The following PPP1R12A variants were observed in gnomAD, a reference collection of about 807,000 sequenced individuals.
PPP1R12A encodes protein phosphatase 1 regulatory subunit 12A.
In PPP1R12A, 19 loss-of-function variants were observed where a neutral mutation model predicts 139.6. The observed-to-expected ratio is 0.14, with a 90% CI of 0.09 to 0.20. The LOEUF (loss-of-function observed/expected upper bound fraction) is 0.20, where lower values mean the gene tolerates loss of function less well. PPP1R12A is among the 10% of genes least tolerant of loss of function. PPP1R12A has a pLI of 1.00. For missense variants in PPP1R12A, 925 were observed against 1,211.5 expected (o/e 0.76, Z 3.51); for synonymous variants, 427 against 420.6 (o/e 1.02, Z -0.19).
intron 1 of PPP1R12A, among the ~76,000 whole-genome samples, chr12:79,900,908 G>A (rs1310920922): frequency 3.9e-5 from 6 of 152,126 alleles, no homozygotes; most frequent in African/African-American, 4.8e-5. Flanking sequence ...TTCAAGGCCC[G>A]AAGATGAAGT....
intron 2 of PPP1R12A, among the ~76,000 whole-genome samples, chr12:79,859,285 C>T (rs1398104694): frequency 2.0e-5 from 3 of 146,712 alleles, no homozygotes; most frequent in Non-Finnish European, 3.0e-5. Context: ...TGCAGTGAGC[C>T]GAGATCGTGC....
intron 2 of PPP1R12A, among the ~76,000 whole-genome samples, chr12:79,856,690 A>G (rs1265093434): frequency 6.6e-6 from 1 of 152,226 alleles, no homozygotes; most frequent in Non-Finnish European, 1.5e-5. Flanking sequence ...CCATCTAATT[A>G]AAAAACAACC....
At chr12:79,803,631 G>A (rs913284571) in intron 14 of PPP1R12A, among the ~76,000 whole-genome samples, 3 of 151,976 alleles carry the variant, frequency 2.0e-5, no homozygotes, top group African/African-American at 7.3e-5. Flanking sequence ...AAAGAGAAGA[G>A]GCCAACAATG....
At chr12:79,842,930 T>G (rs1878915104) in intron 3 of PPP1R12A, among the ~76,000 whole-genome samples, 1 of 152,186 alleles carries the variant, frequency 6.6e-6, no homozygotes, top group Non-Finnish European at 1.5e-5. Flanking sequence ...AGAAAAACTC[T>G]GCCATTAAAA....
intron 7 of PPP1R12A, 23 bp from the exon 8 acceptor site, chr12:79,820,954 A>G: frequency 6.2e-7 from 1 of 1,610,598 alleles, no homozygotes; most frequent in South Asian, 1.1e-5. Context: ...AACAGTGTTC[A>G]AATGATTAGA....
At chr12:79,933,208 G>A (rs1888380731) in intron 1 of PPP1R12A, among the ~76,000 whole-genome samples, 1 of 151,984 alleles carries the variant, frequency 6.6e-6, no homozygotes, top group African/African-American at 2.4e-5. Flanking sequence ...ATTTTTACTG[G>A]GTGCCACATT....
intron 14 of PPP1R12A, 124 bp downstream of exon 14, chr12:79,805,468 G>T: frequency 1.3e-6 from 1 of 798,798 alleles, no homozygotes; most frequent in Non-Finnish European, 1.9e-6. Flanking sequence ...GAGCTGACAG[G>T]GTATTTCATT....
rs1877512793 is a variant in PPP1R12A, at chr12:79,832,190, TTTTCTC to T, written c.647+136_647+141del. The stretch of plus-strand genomic sequence containing the variant: ...CAAAAGCAATCATATTCAAAGTAGT[TTTTCTC>T]TTTCTTCCTGAAAACAGGCATTAAA... On this transcript the variant is annotated intron_variant, in intron 4 of 24. Transcript: ENST00000450142. 4.5e-5 allele frequency: 31 copies of T among 690,962 alleles called. No individual in the cohort carries two copies. The South Asian group carries it at 1.0e-3, about 23-fold the overall frequency. The allele number at this position is 690,962 out of a possible 1,614,324, so 42.8% of individuals were successfully genotyped here.
At chr12:79,929,300 C>T (rs138376106) in intron 1 of PPP1R12A, among the ~76,000 whole-genome samples, 2 of 152,248 alleles carry the variant, frequency 1.3e-5, no homozygotes, top group East Asian at 1.9e-4. Context: ...CCTCACAGGT[C>T]GTGGATCGAC....
chr12:79,777,147 T>A, intron 24 of PPP1R12A: 1 of 896,942 alleles, frequency 1.1e-6, no homozygotes, highest in African/African-American at 2.2e-5. Context: ...AATCTTCAGC[T>A]TCAAAATATA....
At chr12:79,776,220 G>A (rs530317983) in intron 24 of PPP1R12A, among the ~76,000 whole-genome samples, 2 of 151,994 alleles carry the variant, frequency 1.3e-5, no homozygotes, top group South Asian at 2.1e-4. Flanking sequence ...ATAAATGCTG[G>A]AATGAAAGGT....
At position 79,924,401 on chromosome 12, in the gene PPP1R12A, T is replaced by C. The variant is rs189323185; in HGVS notation, c.237+10294A>G. ...AAAACAATAGTTCTTAATGACATAG[T>C]GTCATGATCTAGAGCCAGCAGCATC... On this transcript the variant is annotated intron_variant, in intron 1 of 24. Coordinates refer to ENST00000450142, the MANE Select transcript of PPP1R12A (RefSeq NM_002480.3). 5.2e-3 allele frequency among the ~76,000 whole-genome samples: 798 copies of C among 152,276 alleles called. 5 individuals carry two copies. Among genetic ancestry groups the C allele is most frequent in the African/African-American group, 0.018 (758 of 41,554 alleles).
At chr12:79,784,633 A>ATATT (rs1036431814) in intron 22 of PPP1R12A, among the ~76,000 whole-genome samples, 26 of 151,892 alleles carry the variant, frequency 1.7e-4, no homozygotes, top group Admixed American at 1.0e-3. Context: ...GGAGCAGTGG[A>ATATT]TATTTATTTA....
At chr12:79,901,928 A>G (rs939966378) in intron 1 of PPP1R12A, among the ~76,000 whole-genome samples, 1 of 152,320 alleles carries the variant, frequency 6.6e-6, no homozygotes, top group East Asian at 1.9e-4. Context: ...AGTTAAGAGA[A>G]GGTGAGGATA....
In PPP1R12A at chr12:79,934,813, T is replaced by G. The variant is rs1453055476; in HGVS notation, c.119A>C (p.Asp40Ala). The G allele has an allele frequency of 6.2e-7, 1 of 1,601,648 alleles. No homozygotes were observed. Among genetic ancestry groups the G allele is most frequent in the Non-Finnish European group, 8.5e-7 (1 of 1,174,376 alleles). Residue 40 changes from aspartate to alanine, a missense_variant, in exon 1 of 25, where the codon GAT (aspartate) becomes GCT (alanine). Transcript: ENST00000450142. ...GCAAGCAGCCAGGAAGACGGCGCCA[T>G]CGTCGAACTTCACCTTGGTCTTCTG... ...KRQKTKVKFD[D>A]GAVFLAACSS...
At chr12:79,808,433 A>C (rs1346345986) in intron 11 of PPP1R12A, 50 bp downstream of exon 11, 1 of 1,234,352 alleles carries the variant, frequency 8.1e-7, no homozygotes, top group Non-Finnish European at 1.2e-6. Flanking sequence ...CTAATGCTAG[A>C]TAATAAAGAT....
At chr12:79,803,883 C>T (rs978900198) in intron 14 of PPP1R12A, among the ~76,000 whole-genome samples, 1 of 152,020 alleles carries the variant, frequency 6.6e-6, no homozygotes, top group African/African-American at 2.4e-5. Flanking sequence ...AAAGTCAAAA[C>T]TCAATTCTCT....
intron 4 of PPP1R12A, among the ~76,000 whole-genome samples, chr12:79,830,221 A>G (rs11114254): frequency 6.6e-6 from 1 of 152,144 alleles, no homozygotes; most frequent in Non-Finnish European, 1.5e-5. Context: ...GGATCCTTAC[A>G]CAATGATTTC....
At chr12:79,798,070 C>A (rs1025919309) in intron 15 of PPP1R12A, among the ~76,000 whole-genome samples, 1 of 152,064 alleles carries the variant, frequency 6.6e-6, no homozygotes, top group Admixed American at 6.6e-5. Context: ...ACCTAATATA[C>A]GAGCCTATTC....
Sources: gnomAD v4.1 joint callset for allele counts (sites outside exome capture counted in the v4.1 genomes callset) on GRCh38, gnomAD v4.1.1 for gene constraint, MANE v1.5 for transcripts, NCBI Gene and HGNC (gene_info 2026-07-23, HGNC 2026-07-21) for gene names.